The following FOXN3 variants were observed in gnomAD, a reference collection of about 807,000 sequenced individuals.
The protein encoded by FOXN3 is forkhead box protein N3.
Under a neutral mutation model 38.4 loss-of-function variants are expected in FOXN3, and 7 were observed. That is an observed-to-expected ratio of 0.18 (90% CI 0.10 to 0.34). The LOEUF is 0.34. Ranked by LOEUF, FOXN3 falls within the 10% of genes least tolerant of loss-of-function variation. FOXN3 has a pLI of 1.00. For synonymous variants in FOXN3, 230 were observed against 242.2 expected (o/e 0.95, Z 0.47); for missense variants, 456 against 613.4 (o/e 0.74, Z 2.71).
intron 4 of FOXN3, among the ~76,000 whole-genome samples, chr14:89,250,777 A>G: frequency 6.6e-6 from 1 of 152,222 alleles, no homozygotes; most frequent in East Asian, 1.9e-4. Context: ...TTGAATCATG[A>G]GGGTGGGTCT....
intron 1 of FOXN3, among the ~76,000 whole-genome samples, chr14:89,457,784 G>A (rs1359379155): frequency 6.6e-6 from 1 of 152,046 alleles, no homozygotes; most frequent in Admixed American, 6.5e-5. Flanking sequence ...AGGCTGAGGA[G>A]GGTGGATCAC....
intron 3 of FOXN3, among the ~76,000 whole-genome samples, chr14:89,288,144 C>T (rs531953607): frequency 6.6e-5 from 10 of 152,062 alleles, no homozygotes; most frequent in Non-Finnish European, 1.0e-4. Flanking sequence ...CAGAAAGAGA[C>T]CAGGTAGAAA....
chr14:89,245,244 C>T lies in FOXN3; in HGVS notation c.745+35706G>A, dbSNP rs552625434. Among the ~76,000 whole-genome samples the T allele has an allele frequency of 4.0e-4, 61 of 152,194 alleles. 2 individuals carry two copies. The South Asian group carries it at 5.4e-3, about 13-fold the overall frequency. ...TTTTTGGAAACATATGCAAAAGATA[C>T]GCAGGTGGGTCATTCGGGGCCCTTT... On this transcript the variant is annotated intron_variant, in intron 4 of 5. Transcript: ENST00000557258.
chr14:89,377,220 G>A (rs1156587838), intron 2 of FOXN3, among the ~76,000 whole-genome samples: 2 of 151,660 alleles, frequency 1.3e-5, no homozygotes, highest in African/African-American at 4.8e-5. Context: ...ATCAGAGGGG[G>A]AGAGGAAAAT....
intron 3 of FOXN3, among the ~76,000 whole-genome samples, chr14:89,328,597 A>AT (rs1317395158): frequency 1.3e-5 from 2 of 152,268 alleles, no homozygotes; most frequent in East Asian, 3.8e-4. Context: ...GAGAAGAGAC[A>AT]TTCCCACCAG....
intron 1 of FOXN3, among the ~76,000 whole-genome samples, chr14:89,483,070 G>A (rs1013443201): frequency 2.0e-5 from 3 of 152,078 alleles, no homozygotes; most frequent in Non-Finnish European, 4.4e-5. Context: ...AGCCAGGTGT[G>A]GTGGCGCGCT....
intron 1 of FOXN3, among the ~76,000 whole-genome samples, chr14:89,434,455 T>C (rs2013497): frequency 0.42 from 63,286 of 151,772 alleles, 13,462 homozygotes; most frequent in East Asian, 0.6. Flanking sequence ...GTCTTGAACT[T>C]GTGACCTCAG....
At chr14:89,239,899 AATTCTGG>A (rs1301687687) in intron 4 of FOXN3, among the ~76,000 whole-genome samples, 23 of 152,206 alleles carry the variant, frequency 1.5e-4, no homozygotes, top group Admixed American at 1.5e-3. Context: ...ATGACCCATG[AATTCTGG>A]AGCCAAGAGG....
At chr14:89,231,053 G>A (rs1884792790) in intron 4 of FOXN3, among the ~76,000 whole-genome samples, 1 of 152,104 alleles carries the variant, frequency 6.6e-6, no homozygotes, top group Non-Finnish European at 1.5e-5. Flanking sequence ...CCTGTGACAG[G>A]CCATTTATTA....
At position 89,513,741 on chromosome 14, in the gene FOXN3, T is replaced by C. The variant is rs1894143615; in HGVS notation, c.-14-101251A>G. ...TCCCGAGTAGCTGGGATTACAGGCATGCACCACCACATCCGGCTGATTTTT... is the reference window on the plus strand; with the variant it reads ...TCCCGAGTAGCTGGGATTACAGGCACGCACCACCACATCCGGCTGATTTTT... On this transcript the variant is annotated intron_variant, in intron 1 of 6. Transcript: ENST00000345097. Among the ~76,000 whole-genome samples the C allele has an allele frequency of 2.0e-5, 3 of 151,862 alleles. No homozygotes were observed. The South Asian group carries it at 6.2e-4, about 32-fold the overall frequency.
At chr14:89,357,721 T>C (rs1424283995) in intron 2 of FOXN3, among the ~76,000 whole-genome samples, 1 of 152,178 alleles carries the variant, frequency 6.6e-6, no homozygotes, top group Admixed American at 6.5e-5. Context: ...TGTGGGATCA[T>C]TTGATTTTCC....
intron 5 of FOXN3, among the ~76,000 whole-genome samples, chr14:89,170,369 T>C (rs1887357257): frequency 6.6e-6 from 1 of 152,196 alleles, no homozygotes; most frequent in African/African-American, 2.4e-5. Flanking sequence ...ACATAGAACA[T>C]GTGCTAATAA....
intron 4 of FOXN3, among the ~76,000 whole-genome samples, chr14:89,196,363 C>T (rs1463366947): frequency 6.6e-6 from 1 of 152,168 alleles, no homozygotes; most frequent in South Asian, 2.1e-4. Context: ...GGGAAAAGCA[C>T]TGCACTAGAC....
At chr14:89,273,766 A>G (rs1402364556) in intron 4 of FOXN3, among the ~76,000 whole-genome samples, 1 of 152,254 alleles carries the variant, frequency 6.6e-6, no homozygotes, top group African/African-American at 2.4e-5. Context: ...AGCTGACTCT[A>G]TTACTGTAGT....
intron 1 of FOXN3, among the ~76,000 whole-genome samples, chr14:89,558,990 C>T (rs535858770): frequency 6.6e-6 from 1 of 152,296 alleles, no homozygotes; most frequent in East Asian, 1.9e-4. Context: ...CTGGAACGCA[C>T]AGCGCTGCCA....
intron 4 of FOXN3, among the ~76,000 whole-genome samples, chr14:89,244,246 T>C (rs1417107281): frequency 1.3e-5 from 2 of 152,240 alleles, no homozygotes; most frequent in Non-Finnish European, 2.9e-5. Context: ...CGGCCTTCCC[T>C]GCCTTTAAAT....
rs764156969 is a variant in FOXN3 at position 89,350,713 on chromosome 14, G to A, written c.639C>T (p.His213=). ...GACAGGTGGGAGGTGTATTGAACAC[G>A]TGTGGGTGTGGGTGATAAGGTGTCT... is the stretch of plus-strand genomic sequence containing the variant. The part of the protein sequence containing the change: ...LKKTPYHPHP[H]VFNTPPTCPQ... Residue 213 remains histidine (H), a synonymous_variant, in exon 3 of 6, where the codon CAC becomes CAT. Transcript: ENST00000557258. The A allele has an allele frequency of 2.8e-5, 45 of 1,600,890 alleles. No homozygotes were observed. Among genetic ancestry groups the A allele is most frequent in the Admixed American group, 1.8e-4 (10 of 57,066 alleles).
Position 89,281,028 on chromosome 14 carries a change from GA to G in FOXN3, c.681-15del. 6.2e-7 allele frequency: 1 copy of G among 1,611,980 alleles called. No homozygotes were observed. Among genetic ancestry groups the G allele is most frequent in the South Asian group, 1.1e-5 (1 of 90,432 alleles). ...GGACCTGATGTGCTGAAAGAGAAAA[GA>G]AACTAGCATAAGGCCAAGTTCATCT... On this transcript the variant is annotated splice_polypyrimidine_tract_variant and intron_variant, in intron 3 of 5. Transcript: ENST00000557258.
intron 4 of FOXN3, among the ~76,000 whole-genome samples, chr14:89,269,785 A>T (rs1306566054): frequency 6.6e-6 from 1 of 152,048 alleles, no homozygotes; most frequent in East Asian, 1.9e-4. Context: ...TTGAGATGCC[A>T]TGAACCCCGA....
Sources: gnomAD v4.1 joint callset for allele counts (sites outside exome capture counted in the v4.1 genomes callset) on GRCh38, gnomAD v4.1.1 for gene constraint, MANE v1.5 for transcripts, NCBI Gene and HGNC (gene_info 2026-07-23, HGNC 2026-07-21) for gene names.